ADGRL3: variants seen among roughly 807,000 people sequenced by gnomAD.
ADGRL3 encodes calcium-independent alpha-latrotoxin receptor 3.
A neutral mutation model predicts 153.5 loss-of-function variants in ADGRL3; 62 were observed. That is an observed-to-expected ratio of 0.40 (90% CI 0.33 to 0.50). ADGRL3 has a LOEUF of 0.50. Among genes scored for constraint, ADGRL3 ranks in the 20% least tolerant of loss-of-function variants. ADGRL3 has a pLI of 0.47. For synonymous variants in ADGRL3, 710 were observed against 672.5 expected (o/e 1.06, Z -0.86); for missense variants, 1,641 against 1,859.4 (o/e 0.88, Z 2.16).
At chr4:61,589,327 T>C (rs1343984714) in intron 5 of ADGRL3, among the ~76,000 whole-genome samples, 1 of 152,068 alleles carries the variant, frequency 6.6e-6, no homozygotes, top group African/African-American at 2.4e-5. Flanking sequence ...TGTTTTTGAC[T>C]CTCTGAGAAA....
chr4:61,363,819 G>A (rs1199288794), intron 1 of ADGRL3, among the ~76,000 whole-genome samples: 1 of 152,000 alleles, frequency 6.6e-6, no homozygotes, highest in Non-Finnish European at 1.5e-5. Flanking sequence ...TTTTACAGAT[G>A]AGTAAATTGA....
At position 61,892,913 on chromosome 4, in the gene ADGRL3, C is replaced by T. The variant is rs1333641797; in HGVS notation, c.1738C>T (p.Arg580Cys). ...CCGAGAAATCATGTGGTTTAAGACT[C>T]GTCAAGGACAGATAGCAAAGCAGCC... ...EAREIMWFKT[R>C]QGQIAKQPCP... The change falls in exon 10 of 27, where the codon CGT becomes TGT. Residue 580 changes from arginine to cysteine, a missense_variant. Arg to Cys is a radical substitution (Grantham distance 180). Coordinates refer to ENST00000683033, the MANE Select transcript of ADGRL3 (RefSeq NM_001387552.1). 5 of 1,557,966 alleles carry T rather than the reference C, an allele frequency of 3.2e-6. No homozygotes were observed. The highest frequency in any genetic ancestry group is 2.2e-5 in the East Asian group (1 of 44,498).
At chr4:61,798,998 AGTATAT>A (rs2097450692) in intron 8 of ADGRL3, among the ~76,000 whole-genome samples, 1 of 66,224 alleles carries the variant, frequency 1.5e-5, no homozygotes, top group Non-Finnish European at 2.9e-5. Flanking sequence ...ATATATAAAC[AGTATAT>A]ATATATATAT....
chr4:61,681,666 A>G (rs550023634), intron 6 of ADGRL3, among the ~76,000 whole-genome samples: 32 of 152,126 alleles, frequency 2.1e-4, no homozygotes, highest in Non-Finnish European at 3.2e-4. Context: ...CTGTTTCATC[A>G]TTTTTACTAA....
At chr4:61,930,175 C>CAAAA (rs5858743) in intron 13 of ADGRL3, among the ~76,000 whole-genome samples, 2 of 72,532 alleles carry the variant, frequency 2.8e-5, no homozygotes, top group African/African-American at 4.9e-5. Context: ...GACTCTGTCT[C>CAAAA]AAAAAAAAAA....
chr4:62,028,333 T>C (rs990431484), intron 21 of ADGRL3, among the ~76,000 whole-genome samples: 4 of 151,772 alleles, frequency 2.6e-5, no homozygotes, highest in Non-Finnish European at 5.9e-5. Flanking sequence ...TTTAAAGTAC[T>C]CAAGATAGAT....
At chr4:61,823,583 A>G (rs2097774480) in intron 9 of ADGRL3, among the ~76,000 whole-genome samples, 1 of 152,132 alleles carries the variant, frequency 6.6e-6, no homozygotes, top group Non-Finnish European at 1.5e-5. Flanking sequence ...GACAATTATT[A>G]TTGTCTTTTT....
rs78638699 is a variant in ADGRL3, at chr4:61,329,701, T to A, written c.-239-53423T>A. On this transcript the variant is annotated intron_variant, in intron 1 of 26. Transcript: ENST00000683033. ...CATGACCATTTTATAAGAAAAAAAA[T>A]ATAGTATACAGTTTTGTGTTGTCTT... Among the ~76,000 whole-genome samples the A allele has an allele frequency of 5.6e-5, 8 of 142,826 alleles. 1 individual carries two copies. The highest frequency in any genetic ancestry group is 5.5e-4 in the Admixed American group (8 of 14,460). 93.7% of individuals were successfully genotyped at this position (142,826 alleles called of 152,430 possible).
At chr4:61,441,693 T>G (rs930791220) in intron 2 of ADGRL3, among the ~76,000 whole-genome samples, 4 of 152,092 alleles carry the variant, frequency 2.6e-5, no homozygotes, top group Admixed American at 2.6e-4. Context: ...CTAATTTTTT[T>G]TCTAAACTTG....
At chr4:61,438,350 A>T (rs767214855) in intron 2 of ADGRL3, among the ~76,000 whole-genome samples, 17 of 150,478 alleles carry the variant, frequency 1.1e-4, no homozygotes, top group Non-Finnish European at 2.4e-4. Context: ...TTTTATTTTT[A>T]TTTATTTATT....
At chr4:61,545,743 G>T (rs921513857) in intron 4 of ADGRL3, among the ~76,000 whole-genome samples, 1 of 152,112 alleles carries the variant, frequency 6.6e-6, no homozygotes, top group African/African-American at 2.4e-5. Flanking sequence ...TCAAACTCCT[G>T]ACCTCAGGTG....
intron 4 of ADGRL3, among the ~76,000 whole-genome samples, chr4:61,563,950 A>G (rs1237754446): frequency 3.9e-5 from 6 of 152,090 alleles, no homozygotes; most frequent in Non-Finnish European, 8.8e-5. Context: ...CGCAGATTGC[A>G]GTGAGCCGAG....
chr4:61,498,523 C>T (rs996590827), intron 3 of ADGRL3, among the ~76,000 whole-genome samples: 1 of 151,886 alleles, frequency 6.6e-6, no homozygotes, highest in Non-Finnish European at 1.5e-5. Flanking sequence ...GCATTCCAGC[C>T]TGGGTGACAG....
intron 8 of ADGRL3, among the ~76,000 whole-genome samples, chr4:61,776,267 G>A (rs925523766): frequency 3.3e-5 from 5 of 152,138 alleles, no homozygotes; most frequent in Non-Finnish European, 7.3e-5. Context: ...AGGGAAAGAG[G>A]CCTCACGCGC....
At chr4:61,675,827 A>C (rs2150888345) in intron 5 of ADGRL3, among the ~76,000 whole-genome samples, 1 of 151,870 alleles carries the variant, frequency 6.6e-6, no homozygotes, top group South Asian at 2.1e-4. Flanking sequence ...ATACTCTTTT[A>C]TTTTTAAATG....
intron 6 of ADGRL3, among the ~76,000 whole-genome samples, chr4:61,695,725 A>G (rs2095630806): frequency 6.6e-6 from 1 of 152,136 alleles, no homozygotes; most frequent in Non-Finnish European, 1.5e-5. Context: ...TCTTCTTCCA[A>G]TAGAAGGCTG....
At chr4:61,369,784 T>A (rs577626950) in intron 1 of ADGRL3, among the ~76,000 whole-genome samples, 1 of 152,066 alleles carries the variant, frequency 6.6e-6, no homozygotes, top group Non-Finnish European at 1.5e-5. Flanking sequence ...CTATTGATTG[T>A]AATAGTTTCA....
At chr4:61,466,285 C>G (rs1386034419) in intron 2 of ADGRL3, among the ~76,000 whole-genome samples, 1 of 152,054 alleles carries the variant, frequency 6.6e-6, no homozygotes, top group Admixed American at 6.6e-5. Flanking sequence ...TATCAGAATA[C>G]AAATTTTAGA....
At chr4:61,977,983 G>A (rs1361883381) in intron 17 of ADGRL3, among the ~76,000 whole-genome samples, 1 of 151,918 alleles carries the variant, frequency 6.6e-6, no homozygotes, top group Non-Finnish European at 1.5e-5. Flanking sequence ...TTTCTATCGT[G>A]GCCATCTTTA....
Sources: allele counts gnomAD v4.1 joint callset (sites outside exome capture counted in the v4.1 genomes callset), GRCh38; gene constraint gnomAD v4.1.1; transcripts MANE v1.5; gene names NCBI Gene and HGNC (gene_info 2026-07-23, HGNC 2026-07-21).